The following FLT1 variants were observed in gnomAD, a reference collection of about 807,000 sequenced individuals.
FLT1 encodes vascular endothelial growth factor receptor 1.
Under a neutral mutation model 156.3 loss-of-function variants are expected in FLT1, and 49 were observed. That is an observed-to-expected ratio of 0.31 (90% confidence interval 0.25 to 0.40). FLT1 has a LOEUF of 0.40. Among genes scored for constraint, FLT1 ranks in the 10% least tolerant of loss-of-function variants. FLT1 has a pLI of 1.00. For synonymous variants in FLT1, 594 were observed against 583.8 expected (o/e 1.02, Z -0.25); for missense variants, 1,322 against 1,637.2 (o/e 0.81, Z 3.32).
intron 10 of FLT1, among the ~76,000 whole-genome samples, chr13:28,407,887 T>C (rs9551467): frequency 0.42 from 63,828 of 152,124 alleles, 15,251 homozygotes; most frequent in Middle Eastern, 0.6. Context: ...CTTTGCCTTA[T>C]TTTTTCATTA....
rs117067825 is a variant in FLT1 at position 28,340,683 on chromosome 13, C to T, written c.2356-1383G>A. Among the ~76,000 whole-genome samples the T allele has an allele frequency of 5.0e-3, 756 of 152,332 alleles. 3 individuals carry two copies. The highest frequency in any genetic ancestry group is 0.01 in the Middle Eastern group (3 of 294). The stretch of plus-strand genomic sequence containing the variant: ...CCATACACACCATTTGACACCCACT[C>T]GCATTCTTCAGCCCTTACTCACTCT... On this transcript the variant is annotated intron_variant, in intron 16 of 29. Transcript: ENST00000282397.
At chr13:28,421,669 G>T (rs1269861599) in intron 10 of FLT1, among the ~76,000 whole-genome samples, 1 of 152,036 alleles carries the variant, frequency 6.6e-6, no homozygotes, top group African/African-American at 2.4e-5. Context: ...CTGTTAATTT[G>T]TTACCGATCC....
intron 15 of FLT1, among the ~76,000 whole-genome samples, chr13:28,355,506 A>G (rs1194408231): frequency 1.3e-5 from 2 of 152,228 alleles, no homozygotes; most frequent in Non-Finnish European, 2.9e-5. Flanking sequence ...ATAAGTACTG[A>G]CTAATGATTC....
rs748105326 is a variant in FLT1 at position 28,389,799 on chromosome 13, T to A, written c.1966A>T (p.Arg656Ter). ...EILQKKEITI[R>*]DQEAPYLLRN... ...GCCTTTTTGTTGCAGTGCTCACCTCTGATTGTAATTTCTTTCTTCTGGAGG... is the reference window on the plus strand; with the variant it reads ...GCCTTTTTGTTGCAGTGCTCACCTCAGATTGTAATTTCTTTCTTCTGGAGG... Residue 656 changes from arginine (R) to a stop codon, truncating the protein, a stop_gained, in exon 13 of 30, where the codon AGA becomes TGA. Coordinates refer to ENST00000282397, the MANE Select transcript of FLT1 (RefSeq NM_002019.4). LOFTEE classifies it high-confidence loss of function. 6.2e-7 allele frequency: 1 copy of A among 1,614,228 alleles called. No homozygotes were observed. The highest frequency in any genetic ancestry group is 1.7e-5 in the Admixed American group (1 of 60,028).
At chr13:28,411,546 CAAA>C (rs71086852) in intron 10 of FLT1, among the ~76,000 whole-genome samples, 2,129 of 84,726 alleles carry the variant, frequency 0.025, 57 homozygotes, top group African/African-American at 0.088. Context: ...AACTCCATCT[CAAA>C]AAAAAAAAAA....
intron 15 of FLT1, among the ~76,000 whole-genome samples, chr13:28,354,090 A>G (rs1872819706): frequency 6.6e-6 from 1 of 152,220 alleles, no homozygotes; most frequent in Non-Finnish European, 1.5e-5. Context: ...CAGGAAATAA[A>G]GTCTAAATCT....
intron 14 of FLT1, among the ~76,000 whole-genome samples, chr13:28,359,348 A>C (rs1478970041): frequency 6.6e-6 from 1 of 152,176 alleles, no homozygotes; most frequent in Non-Finnish European, 1.5e-5. Context: ...GAAAAATGAA[A>C]ATGGACCCTT....
chr13:28,436,392 G>A lies in FLT1; in HGVS notation c.513+1829C>T, dbSNP rs140607226. On this transcript the variant is annotated intron_variant, in intron 4 of 29. Coordinates refer to ENST00000282397, the MANE Select transcript of FLT1 (RefSeq NM_002019.4). ...ATTAACTTCATGTCAGCAGAAATAC[G>A]TCATAGGTTAGAATATTTCCAGTAT... is the stretch of plus-strand genomic sequence containing the variant. 1.1e-4 allele frequency among the ~76,000 whole-genome samples: 17 copies of A among 152,306 alleles called. No homozygotes were observed. In the East Asian group the frequency reaches 1.2e-3, roughly 10 times the overall value.
intron 24 of FLT1, among the ~76,000 whole-genome samples, chr13:28,318,447 G>A (rs976217081): frequency 1.4e-4 from 22 of 152,068 alleles, no homozygotes; most frequent in African/African-American, 4.8e-4. Context: ...CCAGGGCTGG[G>A]GGTGGCAAGG....
intron 20 of FLT1, among the ~76,000 whole-genome samples, chr13:28,324,422 G>C (rs1340046914): frequency 1.3e-5 from 2 of 152,192 alleles, no homozygotes; most frequent in African/African-American, 4.8e-5. Context: ...AGAGCACTGG[G>C]AGAAAGCTTC....
chr13:28,366,286 G>T (rs1364731596), intron 14 of FLT1, among the ~76,000 whole-genome samples: 1 of 152,106 alleles, frequency 6.6e-6, no homozygotes, highest in African/African-American at 2.4e-5. Flanking sequence ...TCATGATCTG[G>T]CCCCTTCCTA....
intron 14 of FLT1, 126 bp from the exon 15 acceptor site, chr13:28,357,811 G>A (rs1872954895): frequency 1.2e-6 from 1 of 833,398 alleles, no homozygotes; most frequent in African/African-American, 1.7e-5. Flanking sequence ...TAGTGAACCT[G>A]GGGCAGGGTT....
chr13:28,372,076 A>ATATATATTTTTTTTT (rs1257431752), intron 14 of FLT1, among the ~76,000 whole-genome samples: 7 of 11,758 alleles, frequency 6.0e-4, no homozygotes, highest in Admixed American at 8.3e-4. Flanking sequence ...ATATATATAT[A>ATATATATTTTTTTTT]TTTTTTTTTT....
intron 11 of FLT1, among the ~76,000 whole-genome samples, chr13:28,401,196 A>C (rs373209110): frequency 7.9e-5 from 12 of 152,238 alleles, no homozygotes; most frequent in South Asian, 2.1e-4. Context: ...AAAATACATA[A>C]ATAAATAAAT....
At chr13:28,470,980 C>T (rs1252238105) in intron 1 of FLT1, among the ~76,000 whole-genome samples, 1 of 152,196 alleles carries the variant, frequency 6.6e-6, no homozygotes, top group African/African-American at 2.4e-5. Context: ...CGTGAGCCAC[C>T]GCGCCGCGCA....
At chr13:28,398,467 C>T (rs758941262) in intron 11 of FLT1, among the ~76,000 whole-genome samples, 6 of 152,134 alleles carry the variant, frequency 3.9e-5, no homozygotes, top group Non-Finnish European at 5.9e-5. Flanking sequence ...GTTCTCTTAT[C>T]CCATCTAATA....
chr13:28,446,105 C>T (rs1446037822), intron 3 of FLT1, among the ~76,000 whole-genome samples: 1 of 152,158 alleles, frequency 6.6e-6, no homozygotes, highest in Admixed American at 6.5e-5. Flanking sequence ...AAAATCCAAG[C>T]TCCTTTCGTG....
chr13:28,330,159 G>C (rs935710140), intron 18 of FLT1, among the ~76,000 whole-genome samples: 8 of 152,246 alleles, frequency 5.3e-5, no homozygotes, highest in African/African-American at 1.7e-4. Flanking sequence ...CAAGGGGCCT[G>C]CCAGGGCAGA....
intron 4 of FLT1, among the ~76,000 whole-genome samples, chr13:28,435,748 T>C (rs1206022071): frequency 6.6e-5 from 10 of 152,218 alleles, no homozygotes; most frequent in African/African-American, 2.4e-4. Context: ...TCGGAATGTA[T>C]TACCGGTGTT....
Sources: gnomAD v4.1 joint callset for allele counts (sites outside exome capture counted in the v4.1 genomes callset) on GRCh38, gnomAD v4.1.1 for gene constraint, MANE v1.5 for transcripts, NCBI Gene and HGNC (gene_info 2026-07-23, HGNC 2026-07-21) for gene names.